The following GPR83 variants were observed in gnomAD, a reference collection of about 807,000 sequenced individuals.
GPR83 encodes G-protein coupled receptor 72.
In GPR83, 23 loss-of-function variants were observed where a neutral mutation model predicts 28.0. That is an observed-to-expected ratio of 0.82 (90% CI 0.59 to 1.16). GPR83 has a LOEUF of 1.16. Among genes scored for constraint, GPR83 ranks in the 50% most tolerant of loss-of-function variants. The pLI is 0.00. For synonymous variants in GPR83, 234 were observed against 215.4 expected (o/e 1.09, Z -0.76); for missense variants, 610 against 536.6 (o/e 1.14, Z -1.35).
intron 3 of GPR83, among the ~76,000 whole-genome samples, chr11:94,386,084 T>C (rs1209545616): frequency 6.6e-6 from 1 of 152,186 alleles, no homozygotes; most frequent in Non-Finnish European, 1.5e-5. Context: ...CAAAATTTCA[T>C]ATCCAGCCAA....
chr11:94,387,833 C>T (rs1303288590), intron 3 of GPR83, among the ~76,000 whole-genome samples: 2 of 152,168 alleles, frequency 1.3e-5, no homozygotes, highest in East Asian at 3.8e-4. Context: ...TTTTATGAGG[C>T]CAGCATCGTC....
At chr11:94,383,339 T>G (rs940737934) in intron 3 of GPR83, among the ~76,000 whole-genome samples, 1 of 152,140 alleles carries the variant, frequency 6.6e-6, no homozygotes, top group African/African-American at 2.4e-5. Flanking sequence ...TAAAGCAGTG[T>G]GTAGAGGGAA....
chr11:94,400,516 C>A, intron 1 of GPR83, among the ~76,000 whole-genome samples: 1 of 118,170 alleles, frequency 8.5e-6, no homozygotes, highest in Admixed American at 1.0e-4. Flanking sequence ...GGTGAGGAGA[C>A]AGAGACAGAT....
intron 3 of GPR83, among the ~76,000 whole-genome samples, chr11:94,391,738 G>A (rs188009422): frequency 1.3e-4 from 20 of 152,236 alleles, no homozygotes; most frequent in South Asian, 2.1e-4. Flanking sequence ...GTCATCACTC[G>A]TCATCAGAGA....
intron 2 of GPR83, among the ~76,000 whole-genome samples, chr11:94,394,762 G>A (rs117809089): frequency 0.024 from 3,694 of 152,294 alleles, 61 homozygotes; most frequent in Non-Finnish European, 0.04. Context: ...ATTGCTGAAG[G>A]GAGTGGCAGC....
rs902026699 is a variant in GPR83, at chr11:94,401,390, C to T, written c.-143G>A. ...GGGAGCCCGGACGCGCGGAGCACCG[C>T]GCCGCCCGCCACCAGCCCGCGGTCG... On this transcript the variant is annotated 5_prime_UTR_variant, in exon 1 of 4. Coordinates refer to ENST00000243673, the MANE Select transcript of GPR83 (RefSeq NM_016540.4). 1.7e-5 allele frequency: 12 copies of T among 710,284 alleles called. No individual in the cohort carries two copies. In the Admixed American group the frequency reaches 2.4e-4, roughly 14 times the overall value. 44.0% of individuals were successfully genotyped at this position (710,284 alleles called of 1,614,324 possible).
At chr11:94,393,894 C>T (rs932464881) in intron 2 of GPR83, among the ~76,000 whole-genome samples, 9 of 152,168 alleles carry the variant, frequency 5.9e-5, no homozygotes, top group African/African-American at 1.9e-4. Flanking sequence ...TAAAGTCAAG[C>T]ACCCCTTATG....
At chr11:94,395,482 T>C (rs765478300) in intron 2 of GPR83, among the ~76,000 whole-genome samples, 18 of 152,178 alleles carry the variant, frequency 1.2e-4, no homozygotes, top group Non-Finnish European at 2.4e-4. Context: ...CAGACAGACC[T>C]CAGTCCTAAT....
chr11:94,385,640 T>A (rs1205273420), intron 3 of GPR83, among the ~76,000 whole-genome samples: 17 of 151,844 alleles, frequency 1.1e-4, no homozygotes, highest in Non-Finnish European at 1.5e-5. Context: ...AGAAGAGAAG[T>A]TTAGAGAAAA....
rs748387705 is a variant in GPR83 at position 94,380,414 on chromosome 11, C to T, written c.1007G>A (p.Ser336Asn). 2 of 1,614,080 alleles carry T rather than the reference C, an allele frequency of 1.2e-6. No individual in the cohort carries two copies. The highest frequency in any genetic ancestry group is 1.3e-5 in the African/African-American group (1 of 74,928). ...LYFAFHWFAM[S>N]STCYNPFIYC... is the part of the protein sequence containing the mutation. ...TATGAAGGGGTTATAGCAGGTGCTG[C>T]TCATGGCAAACCAGTGGAAGGCAAA... Residue 336 changes from serine to asparagine, a missense_variant, in exon 4 of 4, where the codon AGC (serine) becomes AAC (asparagine). Transcript: ENST00000243673.
At chr11:94,389,493 T>C (rs1303986838) in intron 3 of GPR83, among the ~76,000 whole-genome samples, 1 of 151,942 alleles carries the variant, frequency 6.6e-6, no homozygotes, top group African/African-American at 2.4e-5. Context: ...ATCAACCCCA[T>C]CAACAAGTGG....
intron 3 of GPR83, among the ~76,000 whole-genome samples, chr11:94,381,578 TGC>T (rs1491549300): frequency 2.0e-5 from 2 of 100,776 alleles, no homozygotes; most frequent in Non-Finnish European, 4.6e-5. Flanking sequence ...TGTGTGTGTG[TGC>T]GCGCGTGCTG....
At chr11:94,383,202 C>A (rs1411209532) in intron 3 of GPR83, among the ~76,000 whole-genome samples, 12 of 151,028 alleles carry the variant, frequency 7.9e-5, no homozygotes, top group African/African-American at 2.4e-4. Context: ...CACACAACTA[C>A]ATGGAAACTG....
chr11:94,400,911 G>C lies in GPR83; in HGVS notation c.337C>G (p.Leu113Val), dbSNP rs1426243473. 2 of 1,614,078 alleles carry C rather than the reference G, an allele frequency of 1.2e-6. No individual in the cohort carries two copies. The highest frequency in any genetic ancestry group is 2.2e-5 in the East Asian group (1 of 44,878). Reference protein sequence around the residue: ...HSATSLFIVNLAVADIMITLL... With the variant: ...HSATSLFIVNVAVADIMITLL... ...GTGATCATTATGTCGGCAACTGCCAGGTTGACGATGAAGAGGCTGGTGGCC... is the reference window on the plus strand; with the variant it reads ...GTGATCATTATGTCGGCAACTGCCACGTTGACGATGAAGAGGCTGGTGGCC... The change falls in exon 1 of 4, where the codon CTG (leucine) becomes GTG (valine). Residue 113 changes from leucine (L) to valine (V), a missense_variant. Physicochemically the swap from Leu to Val is conservative, Grantham distance 32. Coordinates refer to ENST00000243673, the MANE Select transcript of GPR83 (RefSeq NM_016540.4).
At chr11:94,393,437 C>G in intron 3 of GPR83, 48 bp downstream of exon 3, 2 of 1,596,552 alleles carry the variant, frequency 1.3e-6, no homozygotes, top group Non-Finnish European at 1.7e-6. Flanking sequence ...GAGCCTGACT[C>G]AGGAGAAGAC....
chr11:94,394,154 C>T (rs945265772), intron 2 of GPR83, among the ~76,000 whole-genome samples: 11 of 152,152 alleles, frequency 7.2e-5, no homozygotes, highest in African/African-American at 1.9e-4. Context: ...AGCAAGCCCA[C>T]GGTCAGCCCC....
Position 94,380,726 on chromosome 11 carries a change from G to T in GPR83, c.695C>A (p.Ala232Asp). The T allele has an allele frequency of 6.2e-7, 1 of 1,612,722 alleles. No homozygotes were observed. The highest frequency in any genetic ancestry group is 1.3e-5 in the African/African-American group (1 of 74,956). ...GTCCAGGTACTTCCAGAAGAGGTCAGCTGGCTCAGGGAAGTCTGGCAGGCA... is the reference window on the plus strand; with the variant it reads ...GTCCAGGTACTTCCAGAAGAGGTCATCTGGCTCAGGGAAGTCTGGCAGGCA... ...SLCLPDFPEP[A>D]DLFWKYLDLA... Residue 232 changes from alanine (A) to aspartate (D), a missense_variant, in exon 4 of 4, where the codon GCT becomes GAT. By Grantham distance (126) the Ala-to-Asp change is moderately radical. Coordinates refer to ENST00000243673, the MANE Select transcript of GPR83 (RefSeq NM_016540.4).
intron 3 of GPR83, among the ~76,000 whole-genome samples, chr11:94,385,426 C>T (rs146113245): frequency 6.9e-4 from 105 of 152,158 alleles, no homozygotes; most frequent in East Asian, 3.1e-3. Context: ...TTCGAACCCA[C>T]GGCAAAGAAG....
rs1944675017 is a variant in GPR83 at position 94,380,478 on chromosome 11, G to A, written c.943C>T (p.Leu315=). The A allele has an allele frequency of 1.2e-6, 2 of 1,614,092 alleles. No individual in the cohort carries two copies. The highest frequency in any genetic ancestry group is 1.7e-6 in the Non-Finnish European group (2 of 1,179,896). ...WFPLNCYVLL[L]SSKVIRTNNA... ...TTGGTGCGGATGACCTTGCTGGACA[G>A]GAGGAGGACGTAGCAGTTGAGGGGG... Residue 315 remains leucine, a synonymous_variant, in exon 4 of 4, where the codon CTG becomes TTG. Coordinates refer to ENST00000243673, the MANE Select transcript of GPR83 (RefSeq NM_016540.4).
Sources: allele counts gnomAD v4.1 joint callset (sites outside exome capture counted in the v4.1 genomes callset), GRCh38; gene constraint gnomAD v4.1.1; transcripts MANE v1.5; gene names NCBI Gene and HGNC (gene_info 2026-07-23, HGNC 2026-07-21).